The following CPNE4 variants were observed in gnomAD, a reference collection of about 807,000 sequenced individuals.
The protein encoded by CPNE4 is copine-4.
Under a neutral mutation model 67.9 loss-of-function variants are expected in CPNE4, and 25 were observed. The ratio of observed to expected loss-of-function variants is 0.37; its 90% CI spans 0.27 to 0.51. The LOEUF (loss-of-function observed/expected upper bound fraction) is 0.51. Among genes scored for constraint, CPNE4 ranks in the 20% least tolerant of loss-of-function variants. The pLI is 0.93. For synonymous variants in CPNE4, 242 were observed against 244.9 expected, an observed-to-expected ratio of 0.99 and a Z score of 0.11; for missense variants, 464 against 690.8, an observed-to-expected ratio of 0.67 and a Z score of 3.68.
At chr3:131,877,315 C>A (rs1189874818) in intron 2 of CPNE4, among the ~76,000 whole-genome samples, 2 of 152,052 alleles carry the variant, frequency 1.3e-5, no homozygotes, top group Non-Finnish European at 2.9e-5. Context: ...GGGGCAACAA[C>A]CATGAACACA....
At chr3:131,586,452 T>C (rs752008288) in intron 8 of CPNE4, among the ~76,000 whole-genome samples, 14 of 152,192 alleles carry the variant, frequency 9.2e-5, no homozygotes, top group Non-Finnish European at 1.9e-4. Context: ...TCTGGGAAAC[T>C]GTATAGAGCA....
At chr3:131,833,425 G>T (rs1326047618) in intron 2 of CPNE4, among the ~76,000 whole-genome samples, 2 of 152,162 alleles carry the variant, frequency 1.3e-5, no homozygotes, top group Non-Finnish European at 2.9e-5. Flanking sequence ...TGGGAGGAGT[G>T]ATCCATGCCT....
At chr3:131,781,345 C>A (rs924288591) in intron 2 of CPNE4, among the ~76,000 whole-genome samples, 4 of 152,100 alleles carry the variant, frequency 2.6e-5, no homozygotes, top group Non-Finnish European at 5.9e-5. Flanking sequence ...TCCTGCCTTT[C>A]ATAAAGATGA....
rs2072556738 is a variant in CPNE4, at chr3:131,973,472, G to T, written c.-2+61095C>A. 3.3e-5 allele frequency among the ~76,000 whole-genome samples: 5 copies of T among 152,138 alleles called. No homozygotes were observed. The South Asian group carries it at 1.0e-3, about 32-fold the overall frequency. ...ATATGGATCAGGCATGATTCTAAGT[G>T]CCTTACATATATTGATTAACTTATT... On this transcript the variant is annotated intron_variant, in intron 1 of 15. Coordinates refer to ENST00000429747, the MANE Select transcript of CPNE4 (RefSeq NM_130808.3).
At position 131,590,537 on chromosome 3, in the gene CPNE4, C is replaced by T. The variant is rs532954840; in HGVS notation, c.682-2955G>A. ...ACCATCCAAGTACTTAAAGTACTAT[C>T]GTAGGAATAGGCATTACAATTTATT... On this transcript the variant is annotated intron_variant, in intron 7 of 15. Transcript: ENST00000429747. 1.2e-4 allele frequency among the ~76,000 whole-genome samples: 19 copies of T among 152,144 alleles called. No individual in the cohort carries two copies. In the South Asian group the frequency reaches 2.9e-3, roughly 23 times the overall value.
intron 2 of CPNE4, among the ~76,000 whole-genome samples, chr3:131,762,188 T>C (rs1293404343): frequency 6.6e-6 from 1 of 152,100 alleles, no homozygotes. Flanking sequence ...GAAGCCTTAG[T>C]TGGCTAGAAG....
chr3:131,753,885 T>A (rs1049367404), intron 2 of CPNE4, among the ~76,000 whole-genome samples: 83 of 152,236 alleles, frequency 5.5e-4, no homozygotes, highest in African/African-American at 1.9e-3. Context: ...AATTTTTTTT[T>A]AAATGTTAAC....
chr3:131,797,822 C>T (rs1005714385), intron 2 of CPNE4, among the ~76,000 whole-genome samples: 1 of 152,130 alleles, frequency 6.6e-6, no homozygotes, highest in African/African-American at 2.4e-5. Flanking sequence ...TACAAGTGCA[C>T]TCAGTGAATA....
chr3:131,735,692 T>C (rs919939861), intron 2 of CPNE4, among the ~76,000 whole-genome samples: 6 of 152,266 alleles, frequency 3.9e-5, no homozygotes, highest in Non-Finnish European at 5.9e-5. Flanking sequence ...TAGAGGCATT[T>C]TCTCTGAGAA....
At chr3:131,676,752 T>G (rs945101539) in intron 6 of CPNE4, among the ~76,000 whole-genome samples, 6 of 152,218 alleles carry the variant, frequency 3.9e-5, no homozygotes, top group Admixed American at 6.5e-5. Flanking sequence ...GTGGTGTATA[T>G]GTACCACATT....
At chr3:131,830,411 G>C (rs1454797214) in intron 2 of CPNE4, among the ~76,000 whole-genome samples, 1 of 152,034 alleles carries the variant, frequency 6.6e-6, no homozygotes, top group African/African-American at 2.4e-5. Context: ...ATAGATCATT[G>C]TTATTCTATC....
chr3:132,030,085 T>C (rs2074205402), intron 1 of CPNE4, among the ~76,000 whole-genome samples: 1 of 151,760 alleles, frequency 6.6e-6, no homozygotes, highest in Non-Finnish European at 1.5e-5. Context: ...CCAAGCCTAC[T>C]CCTCCTAACA....
intron 14 of CPNE4, chr3:131,543,223 A>T (rs1451469882): frequency 6.3e-6 from 1 of 158,658 alleles, no homozygotes; most frequent in Non-Finnish European, 1.4e-5. Flanking sequence ...ATCCAATACA[A>T]TGATGACTAA....
chr3:131,541,638 T>C (rs540289622), intron 15 of CPNE4, among the ~76,000 whole-genome samples: 1 of 152,094 alleles, frequency 6.6e-6, no homozygotes, highest in Admixed American at 6.6e-5. Context: ...GCAAACTTAT[T>C]CAGCATTTTT....
chr3:131,633,509 A>AT (rs1457325045), intron 7 of CPNE4, among the ~76,000 whole-genome samples: 7 of 145,868 alleles, frequency 4.8e-5, no homozygotes, highest in South Asian at 2.1e-4. Flanking sequence ...AAAAACATTG[A>AT]TTTTTTAAAA....
At position 131,810,421 on chromosome 3, in the gene CPNE4, C is replaced by T. The variant is rs2084478621; in HGVS notation, c.181-86796G>A. 2.0e-5 allele frequency among the ~76,000 whole-genome samples: 3 copies of T among 151,896 alleles called. No individual in the cohort carries two copies. In the South Asian group the frequency reaches 6.2e-4, roughly 32 times the overall value. ...TAAAATGGCAAAGGATCCGAATAGA[C>T]ATTTCTCCCAAGAAAATATAAACAT... is the stretch of plus-strand genomic sequence containing the variant. On this transcript the variant is annotated intron_variant, in intron 2 of 15. Transcript: ENST00000429747.
chr3:131,827,987 T>TC (rs1275965160), intron 2 of CPNE4, among the ~76,000 whole-genome samples: 1 of 151,914 alleles, frequency 6.6e-6, no homozygotes, highest in Non-Finnish European at 1.5e-5. Flanking sequence ...TGCAAAGAGC[T>TC]CATATTTCAA....
At chr3:132,007,899 C>G (rs2073649968) in intron 1 of CPNE4, among the ~76,000 whole-genome samples, 1 of 152,154 alleles carries the variant, frequency 6.6e-6, no homozygotes, top group South Asian at 2.1e-4. Flanking sequence ...GCAATCAGCA[C>G]AGAGTGTGGC....
chr3:132,020,751 G>T (rs961447196), intron 1 of CPNE4, among the ~76,000 whole-genome samples: 4 of 152,100 alleles, frequency 2.6e-5, no homozygotes, highest in Admixed American at 2.6e-4. Flanking sequence ...CTATGATTTT[G>T]GTACATGAGT....
Sources: gnomAD v4.1 joint callset for allele counts (sites outside exome capture counted in the v4.1 genomes callset) on GRCh38, gnomAD v4.1.1 for gene constraint, MANE v1.5 for transcripts, NCBI Gene and HGNC (gene_info 2026-07-23, HGNC 2026-07-21) for gene names.